Variants in DACH1 observed in about 807,000 individuals in gnomAD.
DACH1 encodes the protein dachshund family transcription factor 1.
A neutral mutation model predicts 54.2 loss-of-function variants in DACH1; 12 were observed. That is an observed-to-expected ratio of 0.22 (90% CI 0.14 to 0.36). The LOEUF is 0.36. Ranked by LOEUF, DACH1 falls within the 10% of genes least tolerant of loss-of-function variation. The probability of loss-of-function intolerance (pLI) is 1.00; values close to 1 mark genes in which losing one functional copy is unlikely to be tolerated. For missense variants in DACH1, 805 were observed against 929.8 expected (o/e 0.87, Z 1.75); for synonymous variants, 386 against 366.2 (o/e 1.05, Z -0.62).
chr13:71,529,174 G>C (rs1169657981), intron 6 of DACH1, among the ~76,000 whole-genome samples: 1 of 133,828 alleles, frequency 7.5e-6, no homozygotes, highest in Non-Finnish European at 1.5e-5. Context: ...AAACAATATT[G>C]TGATTTGGGT....
In DACH1 at chr13:71,824,442, A is replaced by T. The variant is rs77813082; in HGVS notation, c.848+41480T>A. 4.9e-3 allele frequency among the ~76,000 whole-genome samples: 748 copies of T among 152,132 alleles called. 3 individuals are homozygous for T. The highest frequency in any genetic ancestry group is 0.017 in the African/African-American group (715 of 41,548). ...ATTAATTGCTGAATGTCACATAAAC[A>T]TGATAAGTAAGAAAAAGAAACATTC... On this transcript the variant is annotated intron_variant, in intron 1 of 10. Transcript: ENST00000613252.
intron 1 of DACH1, among the ~76,000 whole-genome samples, chr13:71,735,125 A>G (rs962118934): frequency 1.3e-4 from 19 of 151,298 alleles, no homozygotes; most frequent in Non-Finnish European, 2.4e-4. Flanking sequence ...TGGGTTATAC[A>G]TATATATGGG....
intron 3 of DACH1, 112 bp from the exon 4 acceptor site, chr13:71,573,124 T>C (rs1885319476): frequency 3.6e-6 from 4 of 1,101,980 alleles, no homozygotes; most frequent in Non-Finnish European, 5.1e-6. Context: ...ATTTTTCCTC[T>C]TCATATGCAA....
At chr13:71,451,518 G>C (rs1347072218) in intron 10 of DACH1, among the ~76,000 whole-genome samples, 1 of 152,108 alleles carries the variant, frequency 6.6e-6, no homozygotes, top group African/African-American at 2.4e-5. Flanking sequence ...TTATGCCTTG[G>C]GAAGAACACA....
intron 1 of DACH1, among the ~76,000 whole-genome samples, chr13:71,831,714 G>C (rs548197653): frequency 6.6e-6 from 1 of 151,952 alleles, no homozygotes; most frequent in South Asian, 2.1e-4. Flanking sequence ...TTCATGAACC[G>C]AGGGATAACA....
chr13:71,803,290 G>T (rs929260744), intron 1 of DACH1, among the ~76,000 whole-genome samples: 4 of 152,006 alleles, frequency 2.6e-5, no homozygotes, highest in African/African-American at 9.7e-5. Flanking sequence ...TACACAACTA[G>T]ATTCTTAACA....
chr13:71,601,558 C>T (rs1055932501), intron 3 of DACH1, among the ~76,000 whole-genome samples: 2 of 151,816 alleles, frequency 1.3e-5, no homozygotes, highest in African/African-American at 2.4e-5. Flanking sequence ...CTTACTTATT[C>T]TGTGCTATTG....
chr13:71,852,003 G>A (rs1284894144), intron 1 of DACH1, among the ~76,000 whole-genome samples: 1 of 152,186 alleles, frequency 6.6e-6, no homozygotes, highest in Non-Finnish European at 1.5e-5. Flanking sequence ...TACATGGCGA[G>A]AGTACCAATG....
intron 4 of DACH1, among the ~76,000 whole-genome samples, chr13:71,564,398 A>G (rs938974606): frequency 2.0e-5 from 3 of 151,968 alleles, no homozygotes; most frequent in Admixed American, 2.0e-4. Context: ...ATAAAACACA[A>G]TCTTTTGCAA....
chr13:71,517,676 T>C (rs1006486765), intron 6 of DACH1, among the ~76,000 whole-genome samples: 2 of 151,926 alleles, frequency 1.3e-5, no homozygotes, highest in Non-Finnish European at 2.9e-5. Context: ...TAGAAAACAT[T>C]AGGGGAAACA....
At position 71,479,823 on chromosome 13, in the gene DACH1, T is replaced by A. The variant is rs184666132; in HGVS notation, c.1723-507A>T. On this transcript the variant is annotated intron_variant, in intron 7 of 10. Coordinates refer to ENST00000613252, the MANE Select transcript of DACH1 (RefSeq NM_080759.6). ...TGGTTCCTCAATGCAACAATTTGTT[T>A]CTGCCCCCACGGACTTTGCTCTTTC... Among the ~76,000 whole-genome samples, 12 of 152,298 alleles carry A rather than the reference T, an allele frequency of 7.9e-5. No individual in the cohort carries two copies. In the East Asian group the frequency reaches 2.3e-3, roughly 30 times the overall value.
intron 6 of DACH1, among the ~76,000 whole-genome samples, chr13:71,500,796 T>A (rs1369130106): frequency 6.6e-6 from 1 of 152,000 alleles, no homozygotes; most frequent in Non-Finnish European, 1.5e-5. Flanking sequence ...TTTTTTTCTC[T>A]CACTCAAACT....
At chr13:71,778,092 CAATA>C (rs369933133) in intron 1 of DACH1, among the ~76,000 whole-genome samples, 52,431 of 138,552 alleles carry the variant, frequency 0.38, 10,107 homozygotes, top group Non-Finnish European at 0.42. Context: ...ACCCTGTCTA[CAATA>C]AATAAATAAA....
chr13:71,573,383 A>G lies in DACH1; in HGVS notation c.1127-371T>C, dbSNP rs138582850. The G allele has an allele frequency of 1.2e-3, 833 of 712,390 alleles. 8 individuals are homozygous for G. The African/African-American group carries it at 0.013, about 11-fold the overall frequency. The allele number at this position is 712,390 out of a possible 1,614,324, so 44.1% of individuals were successfully genotyped here. On this transcript the variant is annotated intron_variant, in intron 3 of 10. Transcript: ENST00000613252. ...AACTGATAAATACAATTTAAAAAAA[A>G]CTATGATTTTTAATACTAAAGAATG...
chr13:71,587,512 A>G (rs549794285), intron 3 of DACH1, among the ~76,000 whole-genome samples: 31 of 152,120 alleles, frequency 2.0e-4, no homozygotes, highest in Admixed American at 4.6e-4. Flanking sequence ...AAAACTTATG[A>G]TGGACTTGGA....
intron 3 of DACH1, among the ~76,000 whole-genome samples, chr13:71,601,774 G>T (rs1874511637): frequency 6.6e-6 from 1 of 151,878 alleles, no homozygotes; most frequent in South Asian, 2.1e-4. Context: ...TCACATTTTT[G>T]AAACTAATGT....
chr13:71,666,393 C>T (rs192672961), intron 2 of DACH1, among the ~76,000 whole-genome samples: 218 of 152,162 alleles, frequency 1.4e-3, no homozygotes, highest in African/African-American at 4.1e-3. Context: ...TTATTGTGGT[C>T]TGCATCTGCA....
intron 1 of DACH1, among the ~76,000 whole-genome samples, chr13:71,855,592 C>T (rs1454633671): frequency 6.6e-6 from 1 of 151,988 alleles, no homozygotes; most frequent in Non-Finnish European, 1.5e-5. Context: ...AGCTGTCCAA[C>T]TTAGGCCCAT....
At chr13:71,849,439 T>C (rs1873517590) in intron 1 of DACH1, among the ~76,000 whole-genome samples, 1 of 152,218 alleles carries the variant, frequency 6.6e-6, no homozygotes, top group Non-Finnish European at 1.5e-5. Context: ...GGTAGAATCT[T>C]ATTTTAAGAC....
Sources: allele counts gnomAD v4.1 joint callset (sites outside exome capture counted in the v4.1 genomes callset), GRCh38; gene constraint gnomAD v4.1.1; transcripts MANE v1.5; gene names NCBI Gene and HGNC (gene_info 2026-07-23, HGNC 2026-07-21).